The following IMPG2 variants were observed in gnomAD, a reference collection of about 807,000 sequenced individuals.
IMPG2 encodes interphotoreceptor matrix proteoglycan 2, also known as IPM 200.
A neutral mutation model predicts 129.2 loss-of-function variants in IMPG2; 91 were observed. The ratio of observed to expected loss-of-function variants is 0.70; its 90% CI spans 0.59 to 0.84. The LOEUF (loss-of-function observed/expected upper bound fraction) is 0.84, where lower values mean the gene tolerates loss of function less well. Ranked by LOEUF, IMPG2 falls within the 40% of genes least tolerant of loss-of-function variation. The pLI is 0.00. For synonymous variants in IMPG2, 510 were observed against 517.7 expected, an observed-to-expected ratio of 0.99 and a Z score of 0.20; for missense variants, 1,430 against 1,461.7, an observed-to-expected ratio of 0.98 and a Z score of 0.35.
At chr3:101,254,286 T>C (rs935615077) in intron 10 of IMPG2, among the ~76,000 whole-genome samples, 8 of 152,246 alleles carry the variant, frequency 5.3e-5, no homozygotes, top group African/African-American at 1.4e-4. Flanking sequence ...GTAGATTATA[T>C]CATTTATTTC....
intron 7 of IMPG2, among the ~76,000 whole-genome samples, chr3:101,270,918 C>A (rs905714103): frequency 6.6e-6 from 1 of 152,116 alleles, no homozygotes; most frequent in Non-Finnish European, 1.5e-5. Context: ...AACATCAGAA[C>A]AAAGGAAATA....
chr3:101,246,212 G>A, intron 11 of IMPG2, 107 bp from the exon 12 acceptor site: 1 of 1,027,950 alleles, frequency 9.7e-7, no homozygotes, highest in Non-Finnish European at 1.4e-6. Context: ...TAGGGACAAG[G>A]AGGCGGTGTA....
intron 15 of IMPG2, among the ~76,000 whole-genome samples, chr3:101,232,451 T>C (rs898233388): frequency 2.6e-5 from 4 of 152,118 alleles, no homozygotes; most frequent in African/African-American, 7.2e-5. Context: ...TTGGCCAGGA[T>C]GGTCTCAATC....
chr3:101,257,782 G>A lies in IMPG2; in HGVS notation c.909-9C>T. 6.2e-7 allele frequency: 1 copy of A among 1,612,764 alleles called. No individual in the cohort carries two copies. Among genetic ancestry groups the A allele is most frequent in the Non-Finnish European group, 8.5e-7 (1 of 1,179,130 alleles). On this transcript the variant is annotated splice_polypyrimidine_tract_variant and intron_variant, in intron 9 of 18. Coordinates refer to ENST00000193391, the MANE Select transcript of IMPG2 (RefSeq NM_016247.4). ...AGTAAACATCTACGCCACTATGGAT[G>A]GAAAGAGAGAACAGGTTAGGTTCAG...
At chr3:101,261,180 C>T (rs1006212370) in intron 9 of IMPG2, among the ~76,000 whole-genome samples, 2 of 152,102 alleles carry the variant, frequency 1.3e-5, no homozygotes, top group Non-Finnish European at 2.9e-5. Context: ...CCATATCTAC[C>T]TCTCCAGAAA....
chr3:101,263,674 A>C (rs1706693153), intron 9 of IMPG2, among the ~76,000 whole-genome samples: 1 of 151,952 alleles, frequency 6.6e-6, no homozygotes. Context: ...CAAACCAAAA[A>C]ATTAGCAGCA....
chr3:101,315,391 G>C (rs1399482573), intron 2 of IMPG2, among the ~76,000 whole-genome samples: 3 of 152,096 alleles, frequency 2.0e-5, no homozygotes, highest in African/African-American at 7.2e-5. Flanking sequence ...TCAGAGTCAG[G>C]GACGATGATG....
At chr3:101,232,134 T>A (rs1181416709) in intron 15 of IMPG2, among the ~76,000 whole-genome samples, 1 of 152,170 alleles carries the variant, frequency 6.6e-6, no homozygotes, top group Non-Finnish European at 1.5e-5. Flanking sequence ...TGCCTAAACC[T>A]CATTTGAACA....
At chr3:101,247,414 A>G (rs948706133) in intron 11 of IMPG2, among the ~76,000 whole-genome samples, 1 of 152,174 alleles carries the variant, frequency 6.6e-6, no homozygotes, top group Non-Finnish European at 1.5e-5. Context: ...CCTGATCAAC[A>G]TGGAGAAACC....
intron 14 of IMPG2, among the ~76,000 whole-genome samples, chr3:101,242,185 A>C (rs1432070289): frequency 2.0e-5 from 3 of 152,166 alleles, no homozygotes; most frequent in African/African-American, 7.2e-5. Context: ...ACTCATAGCT[A>C]TCTTAAATTT....
intron 11 of IMPG2, among the ~76,000 whole-genome samples, chr3:101,249,107 A>T (rs769079262): frequency 2.0e-5 from 3 of 152,166 alleles, no homozygotes; most frequent in Admixed American, 6.5e-5. Context: ...CTCTAGTAAC[A>T]GCATTTCCTC....
At chr3:101,291,369 C>A in intron 4 of IMPG2, 110 bp downstream of exon 4, 1 of 944,924 alleles carries the variant, frequency 1.1e-6, no homozygotes, top group South Asian at 1.3e-5. Flanking sequence ...CTGGTCATTG[C>A]GAACTGGCAA....
chr3:101,290,878 C>T lies in IMPG2; in HGVS notation c.533+601G>A, dbSNP rs79056800. 2.2e-3 allele frequency among the ~76,000 whole-genome samples: 330 copies of T among 152,202 alleles called. 2 individuals are homozygous for T. Among genetic ancestry groups the T allele is most frequent in the South Asian group, 3.1e-3 (15 of 4,808 alleles). On this transcript the variant is annotated intron_variant, in intron 4 of 18. Transcript: ENST00000193391. ...TAGTGGTACCTTCCTATATAACTACCCACATGCTGTTATAATTTAGATGCT... is the reference window on the plus strand; with the variant it reads ...TAGTGGTACCTTCCTATATAACTACTCACATGCTGTTATAATTTAGATGCT...
intron 7 of IMPG2, among the ~76,000 whole-genome samples, chr3:101,271,038 A>G (rs574907276): frequency 5.9e-5 from 9 of 152,198 alleles, no homozygotes; most frequent in African/African-American, 2.2e-4. Flanking sequence ...TTTATGCCTT[A>G]AGAATAAAGA....
At chr3:101,271,139 G>C (rs1706779435) in intron 7 of IMPG2, among the ~76,000 whole-genome samples, 1 of 152,024 alleles carries the variant, frequency 6.6e-6, no homozygotes, top group Admixed American at 6.5e-5. Context: ...AATTCTTGTA[G>C]GGTGGTGGGG....
intron 9 of IMPG2, among the ~76,000 whole-genome samples, chr3:101,263,948 T>C (rs1330926031): frequency 1.3e-5 from 2 of 151,170 alleles, no homozygotes; most frequent in African/African-American, 2.4e-5. Flanking sequence ...AAGGATAATT[T>C]AGAGACTACT....
chr3:101,278,839 A>C (rs1202920279), intron 4 of IMPG2, among the ~76,000 whole-genome samples: 2 of 152,208 alleles, frequency 1.3e-5, no homozygotes. Context: ...TTGCTTATTA[A>C]GTTTCATCTA....
At chr3:101,316,114 G>T (rs1358583549) in intron 2 of IMPG2, among the ~76,000 whole-genome samples, 1 of 151,866 alleles carries the variant, frequency 6.6e-6, no homozygotes, top group Non-Finnish European at 1.5e-5. Context: ...AAAAATTAAA[G>T]AAGATTACAG....
chr3:101,266,472 A>G (rs1706721184), intron 9 of IMPG2, among the ~76,000 whole-genome samples: 1 of 152,152 alleles, frequency 6.6e-6, no homozygotes, highest in South Asian at 2.1e-4. Flanking sequence ...TTAGTTTTAA[A>G]ATATAGCCCT....
Sources: allele counts gnomAD v4.1 joint callset (sites outside exome capture counted in the v4.1 genomes callset), GRCh38; gene constraint gnomAD v4.1.1; transcripts MANE v1.5; gene names NCBI Gene and HGNC (gene_info 2026-07-23, HGNC 2026-07-21).